The following COL21A1 variants were observed in gnomAD, a reference collection of about 807,000 sequenced individuals.
The protein encoded by COL21A1 is collagen alpha-1(XXI) chain.
A neutral mutation model predicts 137.9 loss-of-function variants in COL21A1; 149 were observed. That is an observed-to-expected ratio of 1.08 (90% CI 0.95 to 1.24). The LOEUF is 1.24. Among genes scored for constraint, COL21A1 ranks in the 50% most tolerant of loss-of-function variants. The pLI, the probability that COL21A1 is intolerant of heterozygous loss-of-function variation, is 0.00. For missense variants in COL21A1, 1,167 were observed against 1,158.4 expected (o/e 1.01, Z -0.11); for synonymous variants, 456 against 391.5 (o/e 1.16, Z -1.95).
Position 56,061,666 on chromosome 6 carries a change from G to C in COL21A1, c.2188C>G (p.His730Asp), listed in dbSNP as rs201892311. The stretch of plus-strand genomic sequence containing the variant: ...AAACATACCTCTCCTTTTGCACCAT[G>C]ATGGCCTTGAATTCCCTTTGAAAAT... ...IPGQQGIQGH[H>D]GAKGERGEKG... Residue 730 changes from histidine (H) to aspartate (D), a missense_variant, in exon 25 of 30, where the codon CAT (histidine) becomes GAT (aspartate). Physicochemically the swap from His to Asp is moderately conservative, Grantham distance 81 (BLOSUM62 -1). Transcript: ENST00000244728. The C allele has an allele frequency of 3.2e-5, 51 of 1,587,556 alleles. No individual in the cohort carries two copies. The Admixed American group carries it at 3.2e-4, about 10-fold the overall frequency.
intron 1 of COL21A1, among the ~76,000 whole-genome samples, chr6:56,200,593 G>C (rs558403731): frequency 6.6e-6 from 1 of 151,426 alleles, no homozygotes; most frequent in Non-Finnish European, 1.5e-5. Context: ...TGAGAATGAT[G>C]GTTTCCAGCT....
intron 12 of COL21A1, among the ~76,000 whole-genome samples, chr6:56,130,186 TATATATATATATATATATATATATAA>T (rs1320840491): frequency 0.05 from 743 of 14,984 alleles, 15 homozygotes; most frequent in East Asian, 0.21. Context: ...TATATATATA[TATATATATATATATATATATATATAA>T]AATTTCAAAT....
intron 1 of COL21A1, among the ~76,000 whole-genome samples, chr6:56,330,975 T>G (rs1765207744): frequency 6.6e-6 from 1 of 152,154 alleles, no homozygotes; most frequent in Non-Finnish European, 1.5e-5. Flanking sequence ...TCTGACTTTT[T>G]AATAATAGCC....
chr6:56,384,420 T>C (rs367829393), intron 1 of COL21A1, among the ~76,000 whole-genome samples: 61 of 152,240 alleles, frequency 4.0e-4, no homozygotes, highest in African/African-American at 1.4e-3. Flanking sequence ...CTCCTTCTAA[T>C]TGTCCTTAAA....
At chr6:56,325,581 A>ATATCTATAATATATATAATATAT (rs1562057135) in intron 1 of COL21A1, among the ~76,000 whole-genome samples, 1 of 34,514 alleles carries the variant, frequency 2.9e-5, no homozygotes, top group African/African-American at 1.1e-4. Flanking sequence ...TCTATAATAT[A>ATATCTATAATATATATAATATAT]TATCTATAAT....
At chr6:56,059,122 G>A (rs1384266890) in intron 29 of COL21A1, 43 bp downstream of exon 29, 2 of 1,479,638 alleles carry the variant, frequency 1.4e-6, no homozygotes, top group Admixed American at 3.4e-5. Context: ...TTTTCTTAAA[G>A]CAAAATGAGC....
At chr6:56,293,262 C>T (rs565226679) in intron 1 of COL21A1, among the ~76,000 whole-genome samples, 34 of 152,194 alleles carry the variant, frequency 2.2e-4, no homozygotes, top group Non-Finnish European at 4.4e-4. Flanking sequence ...CATCTGTGTT[C>T]CAGATTTGCC....
chr6:56,115,570 C>G (rs376302041), intron 16 of COL21A1, among the ~76,000 whole-genome samples: 1 of 152,128 alleles, frequency 6.6e-6, no homozygotes, highest in African/African-American at 2.4e-5. Flanking sequence ...TAAGCCCAGA[C>G]AGTGAACACT....
At chr6:56,131,563 ATC>A (rs1437253761) in intron 12 of COL21A1, among the ~76,000 whole-genome samples, 1 of 151,946 alleles carries the variant, frequency 6.6e-6, no homozygotes, top group Non-Finnish European at 1.5e-5. Context: ...ATCCTTAAAA[ATC>A]TCTGAGTCCA....
chr6:56,186,581 C>T (rs1400765038), intron 1 of COL21A1, among the ~76,000 whole-genome samples: 1 of 151,904 alleles, frequency 6.6e-6, no homozygotes, highest in African/African-American at 2.4e-5. Flanking sequence ...TTATGGAAAA[C>T]GTGATAATCT....
chr6:56,338,373 A>G (rs1327150763), intron 1 of COL21A1, among the ~76,000 whole-genome samples: 1 of 152,132 alleles, frequency 6.6e-6, no homozygotes, highest in South Asian at 2.1e-4. Flanking sequence ...AGAAGGCAGC[A>G]TACTTCCCAG....
intron 17 of COL21A1, among the ~76,000 whole-genome samples, chr6:56,097,310 A>C (rs1769417753): frequency 6.6e-6 from 1 of 152,114 alleles, no homozygotes; most frequent in South Asian, 2.1e-4. Flanking sequence ...TTTAGGAGAA[A>C]AAATTCATCT....
intron 1 of COL21A1, among the ~76,000 whole-genome samples, chr6:56,240,297 T>G (rs6924924): frequency 0.029 from 4,383 of 152,236 alleles, 216 homozygotes; most frequent in African/African-American, 0.1. Flanking sequence ...TTCCACCATG[T>G]GAGGATGCAG....
chr6:56,079,765 A>AT (rs1767586925), intron 17 of COL21A1, among the ~76,000 whole-genome samples: 2 of 151,652 alleles, frequency 1.3e-5, no homozygotes, highest in Admixed American at 1.3e-4. Flanking sequence ...AAAAATTTAC[A>AT]TACATTTCAT....
At chr6:56,342,182 C>T (rs1002140804) in intron 1 of COL21A1, among the ~76,000 whole-genome samples, 4 of 152,088 alleles carry the variant, frequency 2.6e-5, no homozygotes, top group South Asian at 2.1e-4. Context: ...AAAGGAATAA[C>T]GTGGTTTCTG....
chr6:56,360,343 A>G (rs1486997984), intron 1 of COL21A1, among the ~76,000 whole-genome samples: 1 of 152,212 alleles, frequency 6.6e-6, no homozygotes, highest in Non-Finnish European at 1.5e-5. Context: ...AACAGATGCT[A>G]GACTCAGGGA....
intron 17 of COL21A1, chr6:56,078,312 T>A: frequency 2.3e-6 from 1 of 438,976 alleles, no homozygotes; most frequent in Non-Finnish European, 4.6e-6. Flanking sequence ...ACATGATCAT[T>A]TATCATGCAA....
Position 56,137,512 on chromosome 6 carries a change from A to G in COL21A1, c.1542+4273T>C, listed in dbSNP as rs1030512852. On this transcript the variant is annotated intron_variant, in intron 12 of 29. Transcript: ENST00000244728. ...AATAATTCCTCTCTCTAACACAGTGATGGGGATTCCATTTGGGGTTTGGGA... is the reference window on the plus strand; with the variant it reads ...AATAATTCCTCTCTCTAACACAGTGGTGGGGATTCCATTTGGGGTTTGGGA... 2.0e-5 allele frequency among the ~76,000 whole-genome samples: 3 copies of G among 152,296 alleles called. No individual in the cohort carries two copies. In the East Asian group the frequency reaches 5.8e-4, roughly 29 times the overall value.
intron 3 of COL21A1, among the ~76,000 whole-genome samples, chr6:56,173,644 C>G (rs1007213317): frequency 6.6e-6 from 1 of 151,998 alleles, no homozygotes; most frequent in Admixed American, 6.6e-5. Flanking sequence ...AGGGTCAACT[C>G]ACCAGGAAGA....
Sources: gnomAD v4.1 joint callset for allele counts (sites outside exome capture counted in the v4.1 genomes callset) on GRCh38, gnomAD v4.1.1 for gene constraint, MANE v1.5 for transcripts, NCBI Gene and HGNC (gene_info 2026-07-23, HGNC 2026-07-21) for gene names.